VPS13B: variants seen among roughly 807,000 people sequenced by gnomAD.
The protein encoded by VPS13B is vacuolar protein sorting 13 homolog B, also known as intermembrane lipid transfer protein VPS13B.
In VPS13B, 285 loss-of-function variants were observed where a neutral mutation model predicts 426.4. That is an observed-to-expected ratio of 0.67 (90% CI 0.61 to 0.74). The LOEUF is 0.74. Among genes scored for constraint, VPS13B ranks in the 30% least tolerant of loss-of-function variants. The probability of loss-of-function intolerance (pLI) is 0.00; values close to 1 mark genes in which losing one functional copy is unlikely to be tolerated. For synonymous variants in VPS13B, 1,676 were observed against 1,676.4 expected (o/e 1.00, Z 0.01); for missense variants, 4,537 against 4,782.6 (o/e 0.95, Z 1.51).
At chr8:99,061,240 C>T (rs965383661) in intron 3 of VPS13B, among the ~76,000 whole-genome samples, 3 of 148,368 alleles carry the variant, frequency 2.0e-5, no homozygotes, top group African/African-American at 4.9e-5. Flanking sequence ...CCTTTTGAAT[C>T]TATAAAATGC....
At chr8:99,082,626 A>T (rs1845548588) in intron 3 of VPS13B, among the ~76,000 whole-genome samples, 1 of 152,138 alleles carries the variant, frequency 6.6e-6, no homozygotes, top group African/African-American at 2.4e-5. Flanking sequence ...ATCATCTTGA[A>T]TTAATTTTTG....
intron 39 of VPS13B, among the ~76,000 whole-genome samples, chr8:99,742,320 G>C (rs1809782052): frequency 6.6e-6 from 1 of 152,196 alleles, no homozygotes; most frequent in Admixed American, 6.5e-5. Context: ...CTCTGAAATT[G>C]AGGCAATAAT....
chr8:99,815,525 A>G (rs1307338061), intron 44 of VPS13B, among the ~76,000 whole-genome samples: 4 of 152,040 alleles, frequency 2.6e-5, no homozygotes, highest in African/African-American at 9.7e-5. Context: ...CCAAATGTTC[A>G]TCTCACTCAG....
intron 22 of VPS13B, among the ~76,000 whole-genome samples, chr8:99,433,631 A>G (rs1366493840): frequency 6.6e-6 from 1 of 152,218 alleles, no homozygotes; most frequent in Admixed American, 6.5e-5. Context: ...TTAGGCTGAA[A>G]GGAAATTATA....
At chr8:99,484,752 C>A (rs959026880) in intron 25 of VPS13B, among the ~76,000 whole-genome samples, 1 of 151,798 alleles carries the variant, frequency 6.6e-6, no homozygotes, top group African/African-American at 2.4e-5. Context: ...TAGACAAACA[C>A]CTCCTTATAG....
At chr8:99,366,542 T>A (rs180798732) in intron 19 of VPS13B, among the ~76,000 whole-genome samples, 177 of 151,416 alleles carry the variant, frequency 1.2e-3, no homozygotes, top group African/African-American at 4.0e-3. Flanking sequence ...TTTTTTTTTT[T>A]AATCCATTCA....
At chr8:99,336,094 T>C (rs1197444298) in intron 19 of VPS13B, among the ~76,000 whole-genome samples, 1 of 152,120 alleles carries the variant, frequency 6.6e-6, no homozygotes, top group Non-Finnish European at 1.5e-5. Flanking sequence ...GGAGGCATCA[T>C]GCTACCTGAC....
At chr8:99,102,548 T>A (rs1177316451) in intron 4 of VPS13B, among the ~76,000 whole-genome samples, 2 of 152,192 alleles carry the variant, frequency 1.3e-5, no homozygotes, top group African/African-American at 2.4e-5. Flanking sequence ...AAGACCATCT[T>A]CTAATATACT....
At chr8:99,584,131 A>C (rs548204803) in intron 33 of VPS13B, among the ~76,000 whole-genome samples, 1 of 152,286 alleles carries the variant, frequency 6.6e-6, no homozygotes, top group East Asian at 1.9e-4. Context: ...GAATACCTCA[A>C]ATTTCTTAAA....
At chr8:99,446,025 A>G (rs538845502) in intron 23 of VPS13B, among the ~76,000 whole-genome samples, 1 of 152,330 alleles carries the variant, frequency 6.6e-6, no homozygotes, top group Non-Finnish European at 1.5e-5. Context: ...CTGTGTTCCA[A>G]TAAAACTTTA....
intron 13 of VPS13B, among the ~76,000 whole-genome samples, chr8:99,146,207 T>G (rs1810718979): frequency 6.6e-6 from 1 of 152,254 alleles, no homozygotes; most frequent in Non-Finnish European, 1.5e-5. Context: ...GTCATCATTT[T>G]GAATTAATTT....
At chr8:99,139,220 C>T (rs1810254066) in intron 12 of VPS13B, among the ~76,000 whole-genome samples, 1 of 152,098 alleles carries the variant, frequency 6.6e-6, no homozygotes. Context: ...TTCTTTTCTA[C>T]CACACTCTGC....
At chr8:99,806,303 G>GTA (rs1287227143) in intron 43 of VPS13B, among the ~76,000 whole-genome samples, 2 of 152,162 alleles carry the variant, frequency 1.3e-5, no homozygotes, top group Non-Finnish European at 2.9e-5. Flanking sequence ...CCGAGCATGT[G>GTA]TACTACTTTG....
chr8:99,444,631 T>C (rs896050391), intron 23 of VPS13B, among the ~76,000 whole-genome samples: 1 of 152,138 alleles, frequency 6.6e-6, no homozygotes, highest in Non-Finnish European at 1.5e-5. Context: ...ATTTTCGTGC[T>C]GGTTGGCCAT....
Position 99,170,454 on chromosome 8 carries a change from A to G in VPS13B, c.2333+291A>G, listed in dbSNP as rs552605593. Among the ~76,000 whole-genome samples, 5 of 151,980 alleles carry G rather than the reference A, an allele frequency of 3.3e-5. No individual in the cohort carries two copies. In the South Asian group the frequency reaches 6.2e-4, roughly 19 times the overall value. ...GATTATAATAGGAACTGTAAGAGGAAGTGCCTTTTTTTCAAGAGTGGGTAT... is the reference window on the plus strand; with the variant it reads ...GATTATAATAGGAACTGTAAGAGGAGGTGCCTTTTTTTCAAGAGTGGGTAT... On this transcript the variant is annotated intron_variant, in intron 16 of 61. Coordinates refer to ENST00000357162, the MANE Select transcript of VPS13B (RefSeq NM_152564.5).
chr8:99,372,865 A>C (rs58745976), intron 19 of VPS13B, among the ~76,000 whole-genome samples: 2,553 of 152,312 alleles, frequency 0.017, 65 homozygotes, highest in African/African-American at 0.058. Context: ...ACATGCACAC[A>C]TATGTTTATT....
At chr8:99,103,966 A>G (rs1162382670) in intron 5 of VPS13B, among the ~76,000 whole-genome samples, 2 of 152,134 alleles carry the variant, frequency 1.3e-5, no homozygotes, top group Non-Finnish European at 2.9e-5. Flanking sequence ...TTTAATTTTC[A>G]TTCTTTCTTA....
chr8:99,029,749 A>G (rs931130668), intron 2 of VPS13B, among the ~76,000 whole-genome samples: 10 of 149,016 alleles, frequency 6.7e-5, no homozygotes, highest in Non-Finnish European at 1.0e-4. Flanking sequence ...TTGGCTCGGC[A>G]TCAGAGGGAG....
At chr8:99,429,762 G>T (rs547929668) in intron 21 of VPS13B, 3 of 152,146 alleles carry the variant, frequency 2.0e-5, no homozygotes, top group South Asian at 4.1e-4. Flanking sequence ...CTGGATACAT[G>T]TAGTAAATGT....
Sources: gnomAD v4.1 joint callset for allele counts (sites outside exome capture counted in the v4.1 genomes callset) on GRCh38, gnomAD v4.1.1 for gene constraint, MANE v1.5 for transcripts, NCBI Gene and HGNC (gene_info 2026-07-23, HGNC 2026-07-21) for gene names.